The following PRKD3 variants were observed in gnomAD, a reference collection of about 807,000 sequenced individuals.
PRKD3 encodes protein kinase D3.
Under a neutral mutation model 99.2 loss-of-function variants are expected in PRKD3, and 47 were observed. The observed-to-expected ratio is 0.47, with a 90% CI of 0.38 to 0.60. The LOEUF (loss-of-function observed/expected upper bound fraction) is 0.60. Among genes scored for constraint, PRKD3 ranks in the 20% least tolerant of loss-of-function variants. The pLI, the probability that PRKD3 is intolerant of heterozygous loss-of-function variation, is 0.00. For missense variants in PRKD3, 1,019 were observed against 1,088.4 expected (o/e 0.94, Z 0.90); for synonymous variants, 392 against 355.4 (o/e 1.10, Z -1.16).
At chr2:37,277,786 T>A (rs1283529615) in intron 9 of PRKD3, 80 bp downstream of exon 9, 1 of 1,454,250 alleles carries the variant, frequency 6.9e-7, no homozygotes, top group African/African-American at 1.4e-5. Flanking sequence ...TATCTCATCA[T>A]CATTTTGATT....
At chr2:37,321,065 C>T (rs1006238136) in intron 1 of PRKD3, among the ~76,000 whole-genome samples, 1 of 152,166 alleles carries the variant, frequency 6.6e-6, no homozygotes, top group Non-Finnish European at 1.5e-5. Context: ...CTGTAACTTA[C>T]ATGAACCTTG....
chr2:37,308,774 A>G (rs1202452574), intron 2 of PRKD3, among the ~76,000 whole-genome samples: 1 of 152,056 alleles, frequency 6.6e-6, no homozygotes, highest in Admixed American at 6.6e-5. Context: ...TATTAAGTGA[A>G]GGTCTATGTT....
At chr2:37,287,245 A>G (rs1670147741) in intron 5 of PRKD3, among the ~76,000 whole-genome samples, 1 of 71,840 alleles carries the variant, frequency 1.4e-5, no homozygotes, top group Non-Finnish European at 3.3e-5. Flanking sequence ...AAAAAAAAAA[A>G]AAAAAAAAAA....
chr2:37,321,748 G>A lies in PRKD3; in HGVS notation c.-656+2933C>T, dbSNP rs572421058. On this transcript the variant is annotated intron_variant, in intron 1 of 18. Coordinates refer to ENST00000234179, the MANE Select transcript of PRKD3 (RefSeq NM_005813.6). ...AGGTGATATGGCAGAGTATACTAAG[G>A]GGACTCAATTCCAGCTGGAATCTCA... 1.8e-4 allele frequency among the ~76,000 whole-genome samples: 28 copies of A among 152,230 alleles called. 1 individual carries two copies. In the South Asian group the frequency reaches 5.6e-3, roughly 30 times the overall value.
At chr2:37,256,377 A>C (rs192268728) in intron 17 of PRKD3, among the ~76,000 whole-genome samples, 129 of 152,348 alleles carry the variant, frequency 8.5e-4, no homozygotes, top group African/African-American at 2.9e-3. Flanking sequence ...GGACCAGAAA[A>C]GAGTTTAACA....
chr2:37,283,805 G>A (rs1669966464), intron 6 of PRKD3, among the ~76,000 whole-genome samples: 1 of 151,442 alleles, frequency 6.6e-6, no homozygotes, highest in Admixed American at 6.6e-5. Context: ...CGGCCAACGT[G>A]GCAAAACCCT....
intron 2 of PRKD3, among the ~76,000 whole-genome samples, chr2:37,306,758 G>A (rs1671188058): frequency 6.6e-6 from 1 of 152,134 alleles, no homozygotes; most frequent in Admixed American, 6.5e-5. Flanking sequence ...GCAGTGAGCC[G>A]TGATCATGCC....
chr2:37,262,054 C>T (rs752884517), intron 14 of PRKD3, among the ~76,000 whole-genome samples: 1 of 152,072 alleles, frequency 6.6e-6, no homozygotes, highest in Non-Finnish European at 1.5e-5. Context: ...AAGTTGTGTT[C>T]AGGAGGTATT....
intron 1 of PRKD3, among the ~76,000 whole-genome samples, 160 bp downstream of exon 1, chr2:37,324,521 G>T (rs1380959867): frequency 1.4e-5 from 2 of 140,604 alleles, no homozygotes; most frequent in Non-Finnish European, 3.1e-5. Context: ...TCCGAGTCCT[G>T]TCGCCGCCGC....
At position 37,259,052 on chromosome 2, in the gene PRKD3, G is replaced by GAAA. The variant is rs35409709; in HGVS notation, c.2145+528_2145+530dup. Among the ~76,000 whole-genome samples the GAAA allele has an allele frequency of 5.0e-4, 74 of 148,772 alleles. No individual in the cohort carries two copies. In the South Asian group the frequency reaches 0.014, roughly 29 times the overall value. ...TTTAGTGGATCAAGATGAACACTTG[G>GAAA]AAAAAAAAAAAACTCAACTGAATTA... On this transcript the variant is annotated intron_variant, in intron 16 of 18. Transcript: ENST00000234179.
At chr2:37,281,202 A>C (rs1669841887) in intron 7 of PRKD3, among the ~76,000 whole-genome samples, 1 of 152,208 alleles carries the variant, frequency 6.6e-6, no homozygotes, top group Non-Finnish European at 1.5e-5. Flanking sequence ...TGAACATCTC[A>C]CTAGTAATCA....
chr2:37,297,921 G>C (rs979381105), intron 2 of PRKD3, among the ~76,000 whole-genome samples: 1 of 152,142 alleles, frequency 6.6e-6, no homozygotes, highest in African/African-American at 2.4e-5. Flanking sequence ...CTCTTTGGAA[G>C]TAAGTCATTA....
intron 4 of PRKD3, 149 bp downstream of exon 4, chr2:37,290,719 A>G: frequency 3.8e-6 from 3 of 783,242 alleles, no homozygotes; most frequent in Non-Finnish European, 5.8e-6. Flanking sequence ...AGTAGGTGGC[A>G]GAGATAAAAT....
intron 13 of PRKD3, chr2:37,268,394 A>G: frequency 2.1e-6 from 1 of 469,858 alleles, no homozygotes; most frequent in Non-Finnish European, 4.4e-6. Flanking sequence ...AACCATAGAT[A>G]TTATATATGC....
In PRKD3 at chr2:37,290,892, C is replaced by G. The variant is rs1346987077; in HGVS notation, c.535G>C (p.Val179Leu). 6.2e-7 allele frequency: 1 copy of G among 1,606,054 alleles called. No homozygotes were observed. Reference sequence around the variant, plus strand: ...CCTTCACATTTCAGTCCTTGACGTACCAATCCCCAGAGCATCTCACCACAG... The same window carrying G: ...CCTTCACATTTCAGTCCTTGACGTAGCAATCCCCAGAGCATCTCACCACAG... ...DYCGEMLWGL[V>L]RQGLKCEGCG... The change falls in exon 4 of 19, where the codon GTA (valine) becomes CTA (leucine). Residue 179 changes from valine (V) to leucine (L), a missense_variant. Val to Leu is a conservative substitution (Grantham distance 32). Around this residue, in one of 3 missense-constraint regions of PRKD3, gnomAD observed 710 missense variants for 692.7 expected, o/e 1.02. Transcript: ENST00000234179.
intron 4 of PRKD3, among the ~76,000 whole-genome samples, chr2:37,290,295 C>T (rs1179955020): frequency 6.6e-6 from 1 of 152,060 alleles, no homozygotes; most frequent in Non-Finnish European, 1.5e-5. Flanking sequence ...ATGGTGCAAT[C>T]TCGGCTCCCT....
At chr2:37,265,047 T>C (rs1389558104) in intron 14 of PRKD3, among the ~76,000 whole-genome samples, 1 of 152,128 alleles carries the variant, frequency 6.6e-6, no homozygotes, top group Non-Finnish European at 1.5e-5. Context: ...TCTAAGTATG[T>C]GGGCATGGGA....
chr2:37,256,641 T>G, intron 17 of PRKD3, 21 bp downstream of exon 17: 1 of 1,384,104 alleles, frequency 7.2e-7, no homozygotes, highest in Non-Finnish European at 9.3e-7. Context: ...TTTTTTTTTT[T>G]TTTTTTTTTT....
In PRKD3 at chr2:37,286,306, C is replaced by G; in HGVS notation, c.781G>C (p.Glu261Gln). 1.9e-6 allele frequency: 3 copies of G among 1,614,076 alleles called. No homozygotes were observed. Among genetic ancestry groups the G allele is most frequent in the Non-Finnish European group, 2.5e-6 (3 of 1,179,980 alleles). The change falls in exon 6 of 19, where the codon GAA (glutamate) becomes CAA (glutamine). Residue 261 changes from glutamate to glutamine, a missense_variant. Glu to Gln is a conservative substitution (Grantham distance 29, BLOSUM62 2). Transcript: ENST00000234179. ...TTCACTCTGCACATTACCATCTTTT[C>G]CATCCAGATTGGGCGACCACTCCAA... is the stretch of plus-strand genomic sequence containing the variant. Reference protein sequence around the residue: ...PSWSGRPIWMEKMVMCRVKVP... With the variant: ...PSWSGRPIWMQKMVMCRVKVP...
Sources: allele counts gnomAD v4.1 joint callset (sites outside exome capture counted in the v4.1 genomes callset), GRCh38; gene constraint gnomAD v4.1.1; regional missense constraint gnomAD v4.1.1; transcripts MANE v1.5; gene names NCBI Gene and HGNC (gene_info 2026-07-23, HGNC 2026-07-21).